The following ZBTB20 variants were observed in gnomAD, a reference collection of about 807,000 sequenced individuals.
ZBTB20 encodes zinc finger and BTB domain-containing protein 20.
ZBTB20 carries 9 observed loss-of-function variants against 56.9 expected under a neutral mutation model. The observed-to-expected ratio is 0.16, with a 90% confidence interval of 0.10 to 0.28. The LOEUF (loss-of-function observed/expected upper bound fraction) is 0.28. Ranked by LOEUF, ZBTB20 falls within the 10% of genes least tolerant of loss-of-function variation. ZBTB20 has a pLI of 1.00. For synonymous variants in ZBTB20, 417 were observed against 420.7 expected (o/e 0.99, Z 0.11); for missense variants, 655 against 1,003.0 (o/e 0.65, Z 4.69).
chr3:114,347,391 T>TA (rs1331950322), intron 11 of ZBTB20, among the ~76,000 whole-genome samples: 1 of 152,156 alleles, frequency 6.6e-6, no homozygotes, highest in Non-Finnish European at 1.5e-5. Flanking sequence ...TCTTTTTGGT[T>TA]AGAGTATGGG....
intron 11 of ZBTB20, among the ~76,000 whole-genome samples, chr3:114,341,304 G>C (rs1181087915): frequency 6.6e-6 from 1 of 151,934 alleles, no homozygotes; most frequent in African/African-American, 2.4e-5. Flanking sequence ...AAGAGAGACA[G>C]TCATGCATGT....
chr3:114,441,846 C>T (rs949600354), intron 7 of ZBTB20, among the ~76,000 whole-genome samples: 1 of 152,050 alleles, frequency 6.6e-6, no homozygotes, highest in Non-Finnish European at 1.5e-5. Context: ...TTTTGTAACT[C>T]CCTTTCCCCT....
intron 6 of ZBTB20, among the ~76,000 whole-genome samples, chr3:114,677,738 A>T (rs1172683793): frequency 6.6e-6 from 1 of 152,146 alleles, no homozygotes; most frequent in Non-Finnish European, 1.5e-5. Flanking sequence ...ATATATATAC[A>T]TTGTGGGTCT....
intron 1 of ZBTB20, among the ~76,000 whole-genome samples, chr3:115,125,139 T>C (rs142801420): frequency 2.4e-4 from 37 of 152,044 alleles, no homozygotes; most frequent in African/African-American, 8.4e-4. Context: ...GGTAAGAGTC[T>C]GAGACCAGCG....
chr3:115,059,816 A>T (rs879500476), intron 2 of ZBTB20, among the ~76,000 whole-genome samples: 1 of 152,150 alleles, frequency 6.6e-6, no homozygotes, highest in South Asian at 2.1e-4. Context: ...CAACAGAAGA[A>T]GATATTATTT....
At chr3:114,702,235 C>T (rs1400996592) in intron 5 of ZBTB20, among the ~76,000 whole-genome samples, 6 of 152,068 alleles carry the variant, frequency 3.9e-5, no homozygotes, top group Non-Finnish European at 8.8e-5. Context: ...CCCAGCTACT[C>T]TGGAGGCTGA....
chr3:115,046,742 C>T (rs2081347607), intron 2 of ZBTB20, among the ~76,000 whole-genome samples: 2 of 152,170 alleles, frequency 1.3e-5, no homozygotes, highest in Non-Finnish European at 1.5e-5. Context: ...AAACCTCCCT[C>T]TCCTTGCTAT....
At chr3:114,831,413 G>A (rs1172378078) in intron 4 of ZBTB20, among the ~76,000 whole-genome samples, 1 of 151,776 alleles carries the variant, frequency 6.6e-6, no homozygotes, top group East Asian at 1.9e-4. Context: ...TATGAAATGA[G>A]GACAACAGTA....
At chr3:115,136,084 T>A (rs1320613470) in intron 1 of ZBTB20, among the ~76,000 whole-genome samples, 3 of 152,074 alleles carry the variant, frequency 2.0e-5, no homozygotes, top group Non-Finnish European at 4.4e-5. Flanking sequence ...ATATCCTGAA[T>A]TGATTGTAGT....
intron 4 of ZBTB20, among the ~76,000 whole-genome samples, chr3:114,829,635 G>C (rs904226850): frequency 6.6e-6 from 1 of 151,824 alleles, no homozygotes; most frequent in Non-Finnish European, 1.5e-5. Context: ...CTGGTTTTAT[G>C]AATCAGCTCA....
intron 3 of ZBTB20, among the ~76,000 whole-genome samples, chr3:114,964,234 G>A (rs60717626): frequency 0.05 from 7,552 of 152,090 alleles, 641 homozygotes; most frequent in African/African-American, 0.17. Flanking sequence ...GGTCAACATG[G>A]TGAAACCCCG....
intron 7 of ZBTB20, among the ~76,000 whole-genome samples, chr3:114,389,662 T>G (rs2085595684): frequency 6.6e-6 from 1 of 151,690 alleles, no homozygotes; most frequent in South Asian, 2.1e-4. Context: ...GGCCGAGGTG[T>G]GAGGATCACG....
chr3:115,065,920 G>A (rs915482213), intron 2 of ZBTB20, among the ~76,000 whole-genome samples: 5 of 152,106 alleles, frequency 3.3e-5, no homozygotes, highest in African/African-American at 1.2e-4. Flanking sequence ...ATTTGAATAA[G>A]CCAATCTAGC....
rs1483268200 is a variant in ZBTB20, at chr3:114,436,903, T to C, written c.-254-47798A>G. Among the ~76,000 whole-genome samples, 3 of 152,100 alleles carry C rather than the reference T, an allele frequency of 2.0e-5. No individual in the cohort carries two copies. The East Asian group carries it at 5.8e-4, about 29-fold the overall frequency. ...ATAGTCACATTGGGAACATAGCTGA[T>C]TGTGAGCCTGCAAGAAGAAAAGTCC... On this transcript the variant is annotated intron_variant, in intron 7 of 11. Coordinates refer to ENST00000675478, the MANE Select transcript of ZBTB20 (RefSeq NM_001348800.3).
chr3:114,654,218 T>C (rs1034734038), intron 6 of ZBTB20, among the ~76,000 whole-genome samples: 4 of 151,934 alleles, frequency 2.6e-5, no homozygotes, highest in African/African-American at 9.7e-5. Flanking sequence ...ACCTTTCTTC[T>C]TCCTTCTAAT....
intron 7 of ZBTB20, among the ~76,000 whole-genome samples, chr3:114,409,306 C>T (rs1263839597): frequency 6.6e-6 from 1 of 151,944 alleles, no homozygotes. Flanking sequence ...CACTTAGCTA[C>T]AGGTGGAAAG....
intron 4 of ZBTB20, among the ~76,000 whole-genome samples, chr3:114,811,035 G>A (rs62264971): frequency 2.0e-5 from 3 of 152,148 alleles, no homozygotes; most frequent in Admixed American, 6.5e-5. Flanking sequence ...ACCACTCAGC[G>A]AGAAGGACTA....
At chr3:114,867,525 T>A (rs2075815941) in intron 4 of ZBTB20, among the ~76,000 whole-genome samples, 1 of 152,146 alleles carries the variant, frequency 6.6e-6, no homozygotes, top group South Asian at 2.1e-4. Context: ...AACCTCCACC[T>A]CCCAGATTCC....
chr3:114,812,157 C>T (rs2072575071), intron 4 of ZBTB20, among the ~76,000 whole-genome samples: 1 of 152,152 alleles, frequency 6.6e-6, no homozygotes, highest in African/African-American at 2.4e-5. Context: ...TGGAAGTGGA[C>T]CCCAGCCGGT....
Sources: gnomAD v4.1 joint callset for allele counts (sites outside exome capture counted in the v4.1 genomes callset) on GRCh38, gnomAD v4.1.1 for gene constraint, MANE v1.5 for transcripts, NCBI Gene and HGNC (gene_info 2026-07-23, HGNC 2026-07-21) for gene names.